The following UBE2G1 variants were observed in gnomAD, a reference collection of about 807,000 sequenced individuals.
UBE2G1 encodes the protein ubiquitin conjugating enzyme E2 G1, also known as ubiquitin-conjugating enzyme E2 G1.
Under a neutral mutation model 22.7 loss-of-function variants are expected in UBE2G1, and 5 were observed. That is an observed-to-expected ratio of 0.22 (90% CI 0.12 to 0.46). The LOEUF (loss-of-function observed/expected upper bound fraction) is 0.46, where lower values mean the gene tolerates loss of function less well. Ranked by LOEUF, UBE2G1 falls within the 20% of genes least tolerant of loss-of-function variation. The pLI is 0.99. For missense variants in UBE2G1, 88 were observed against 203.9 expected (o/e 0.43, Z 3.46); for synonymous variants, 74 against 67.5 (o/e 1.10, Z -0.47).
At chr17:4,337,661 A>C (rs894433206) in intron 1 of UBE2G1, among the ~76,000 whole-genome samples, 1 of 151,860 alleles carries the variant, frequency 6.6e-6, no homozygotes, top group Non-Finnish European at 1.5e-5. Flanking sequence ...CTCAAAAAAA[A>C]AAAAAGAAAA....
chr17:4,291,766 T>C (rs1969045030), intron 3 of UBE2G1, among the ~76,000 whole-genome samples: 1 of 152,138 alleles, frequency 6.6e-6, no homozygotes, highest in Non-Finnish European at 1.5e-5. Context: ...AGGATGAACA[T>C]TTTCCTTTAT....
chr17:4,343,749 C>T (rs1355476000), intron 1 of UBE2G1, among the ~76,000 whole-genome samples: 1 of 151,876 alleles, frequency 6.6e-6, no homozygotes, highest in South Asian at 2.1e-4. Flanking sequence ...CCACCACGCC[C>T]GGCTAATTTT....
In UBE2G1 at chr17:4,359,864, A is replaced by AC. The variant is rs1444119019; in HGVS notation, c.46+6406_46+6407insG. Among the ~76,000 whole-genome samples, 49 of 150,978 alleles carry AC rather than the reference A, an allele frequency of 3.2e-4. 1 individual carries two copies. Among genetic ancestry groups the AC allele is most frequent in the Non-Finnish European group, 4.9e-4 (33 of 67,806 alleles). On this transcript the variant is annotated intron_variant, in intron 1 of 5. Coordinates refer to ENST00000396981, the MANE Select transcript of UBE2G1 (RefSeq NM_003342.5). ...AAGGCTCCATCTCAAAAAAAAAAAAAAAACAAACAAAAAAAAACTGCTGAT... is the reference window on the plus strand; with the variant it reads ...AAGGCTCCATCTCAAAAAAAAAAAAACAAACAAACAAAAAAAAACTGCTGAT...
At chr17:4,276,352 G>C (rs1191183633) in intron 5 of UBE2G1, among the ~76,000 whole-genome samples, 4 of 150,116 alleles carry the variant, frequency 2.7e-5, no homozygotes, top group Non-Finnish European at 4.4e-5. Flanking sequence ...TTTTTTTTTT[G>C]TATTTTTAGT....
chr17:4,295,161 GGTAGAAGAAACT>G (rs2053040602), intron 3 of UBE2G1, among the ~76,000 whole-genome samples: 1 of 152,184 alleles, frequency 6.6e-6, no homozygotes, highest in Admixed American at 6.5e-5. Context: ...TGCAAGTGAA[GGTAGAAGAAACT>G]GTCGAAAGCC....
At chr17:4,297,441 C>T (rs1969125119) in intron 2 of UBE2G1, among the ~76,000 whole-genome samples, 1 of 152,148 alleles carries the variant, frequency 6.6e-6, no homozygotes, top group African/African-American at 2.4e-5. Context: ...TTTGTGCTGT[C>T]CAATAATGTA....
rs373899033 is a variant in UBE2G1 at position 4,310,538 on chromosome 17, G to C, written c.47-3415C>G. ...AATCAGTATGTGACTGGAACGGCGG[G>C]GGGCAGGGGAGCAGCTGAAACTAAA... On this transcript the variant is annotated intron_variant, in intron 1 of 5. Coordinates refer to ENST00000396981, the MANE Select transcript of UBE2G1 (RefSeq NM_003342.5). Among the ~76,000 whole-genome samples, 203 of 152,288 alleles carry C rather than the reference G, an allele frequency of 1.3e-3. 4 individuals are homozygous for C. In the South Asian group the frequency reaches 0.04, roughly 30 times the overall value.
intron 2 of UBE2G1, chr17:4,302,709 T>C: frequency 4.0e-6 from 1 of 251,494 alleles, no homozygotes; most frequent in Admixed American, 3.9e-5. Flanking sequence ...TAAGTTTAAA[T>C]GACTGTGTCA....
rs189932936 is a variant in UBE2G1, at chr17:4,270,705, A to C, written c.*1849T>G. The C allele has an allele frequency of 6.6e-6, 1 of 152,156 alleles. No individual in the cohort carries two copies. Among genetic ancestry groups the C allele is most frequent in the East Asian group, 1.9e-4 (1 of 5,186 alleles). 9.4% of individuals were successfully genotyped at this position (152,156 alleles called of 1,614,324 possible). ...AAAGAAAACTGGGTTCTAATGAATC[A>C]ATTTCCAGTCACAACACACTTACGA... On this transcript the variant is annotated 3_prime_UTR_variant, in exon 6 of 6. Coordinates refer to ENST00000396981, the MANE Select transcript of UBE2G1 (RefSeq NM_003342.5).
At chr17:4,332,814 AC>A (rs1230334600) in intron 1 of UBE2G1, among the ~76,000 whole-genome samples, 1 of 152,022 alleles carries the variant, frequency 6.6e-6, no homozygotes, top group Admixed American at 6.6e-5. Flanking sequence ...TCACTCATTC[AC>A]CTGAGTTCCT....
intron 1 of UBE2G1, among the ~76,000 whole-genome samples, chr17:4,322,902 A>G (rs1969458686): frequency 6.6e-6 from 1 of 152,220 alleles, no homozygotes; most frequent in Non-Finnish European, 1.5e-5. Flanking sequence ...TGTGCATTTC[A>G]TATCTCCGAA....
intron 1 of UBE2G1, among the ~76,000 whole-genome samples, chr17:4,348,835 T>C (rs945915758): frequency 6.6e-6 from 1 of 151,794 alleles, no homozygotes; most frequent in Admixed American, 6.6e-5. Flanking sequence ...CACTCCAGCC[T>C]GGGAGACACA....
At chr17:4,345,990 T>A (rs923651296) in intron 1 of UBE2G1, among the ~76,000 whole-genome samples, 2 of 152,244 alleles carry the variant, frequency 1.3e-5, no homozygotes, top group Non-Finnish European at 2.9e-5. Flanking sequence ...ACTTTTAGAA[T>A]TCATTTTACC....
intron 1 of UBE2G1, among the ~76,000 whole-genome samples, chr17:4,343,576 T>C (rs1045479012): frequency 6.8e-6 from 1 of 146,986 alleles, no homozygotes. Flanking sequence ...TTCACTATAC[T>C]CTTCTTCAAA....
chr17:4,339,917 C>T (rs1298223166), intron 1 of UBE2G1, among the ~76,000 whole-genome samples: 1 of 151,960 alleles, frequency 6.6e-6, no homozygotes, highest in Admixed American at 6.6e-5. Context: ...CTCTCTTTTC[C>T]TTTTTCTTTT....
intron 1 of UBE2G1, among the ~76,000 whole-genome samples, chr17:4,343,317 C>A (rs190484412): frequency 2.0e-5 from 3 of 152,068 alleles, no homozygotes; most frequent in African/African-American, 7.2e-5. Flanking sequence ...CCAGGCCAGG[C>A]GCGGTAGCTC....
At chr17:4,276,213 CAG>C (rs1366761084) in intron 5 of UBE2G1, among the ~76,000 whole-genome samples, 1 of 152,062 alleles carries the variant, frequency 6.6e-6, no homozygotes, top group Non-Finnish European at 1.5e-5. Flanking sequence ...TTTTTGGAGA[CAG>C]AGTTACCCTC....
intron 1 of UBE2G1, among the ~76,000 whole-genome samples, chr17:4,324,150 G>A (rs916333343): frequency 6.6e-6 from 1 of 152,134 alleles, no homozygotes; most frequent in Admixed American, 6.5e-5. Context: ...CTTATTTGAT[G>A]CAAAATGGTA....
intron 2 of UBE2G1, chr17:4,301,624 G>A (rs1685430491): frequency 9.4e-6 from 9 of 954,238 alleles, no homozygotes; most frequent in African/African-American, 4.9e-5. Flanking sequence ...ATATGATGGG[G>A]CACAATTACT....
Sources: gnomAD v4.1 joint callset for allele counts (sites outside exome capture counted in the v4.1 genomes callset) on GRCh38, gnomAD v4.1.1 for gene constraint, MANE v1.5 for transcripts, NCBI Gene and HGNC (gene_info 2026-07-23, HGNC 2026-07-21) for gene names.